Variants in FAM135A observed in about 807,000 individuals in gnomAD.
The protein encoded by FAM135A is protein FAM135A.
Under a neutral mutation model 146.8 loss-of-function variants are expected in FAM135A, and 79 were observed. The observed-to-expected ratio is 0.54, with a 90% CI of 0.45 to 0.65. The LOEUF is 0.65. Ranked by LOEUF, FAM135A falls within the 30% of genes least tolerant of loss-of-function variation. FAM135A has a pLI of 0.00. For synonymous variants in FAM135A, 562 were observed against 603.6 expected (o/e 0.93, Z 1.01); for missense variants, 1,623 against 1,758.2 (o/e 0.92, Z 1.38).
chr6:70,528,755 G>A (rs1795221809), intron 16 of FAM135A, among the ~76,000 whole-genome samples: 1 of 151,666 alleles, frequency 6.6e-6, no homozygotes, highest in East Asian at 1.9e-4. Flanking sequence ...GAACATGTAG[G>A]TTTGTTACAT....
Position 70,480,998 on chromosome 6 carries a change from AT to A in FAM135A, c.642del (p.Asn215ThrfsTer36), listed in dbSNP as rs1562494807. On this transcript the variant is annotated frameshift_variant, in exon 9 of 22. Coordinates refer to ENST00000418814, the MANE Select transcript of FAM135A (RefSeq NM_001162529.3). LOFTEE classifies it high-confidence loss of function. ...TACTCTTGAAAGTGTGGTCTTTGGT[AT>A]TAACTACACAAAACAGTTATCACCA... The part of the protein sequence containing the change: ...IPTLESVVFG[I>X]NYTKQLSPDG... 6.2e-7 allele frequency: 1 copy of A among 1,611,636 alleles called. No homozygotes were observed. The highest frequency in any genetic ancestry group is 1.7e-5 in the Admixed American group (1 of 59,724).
intron 4 of FAM135A, among the ~76,000 whole-genome samples, chr6:70,450,740 TTTTTTTTTTTTTTTTTTTG>T (rs1776884228): frequency 9.2e-6 from 1 of 109,156 alleles, no homozygotes; most frequent in African/African-American, 3.8e-5. Context: ...TTTTTTTTTT[TTTTTTTTTTTTTTTTTTTG>T]AGTCAGAGTC....
At chr6:70,467,486 C>T (rs1015735397) in intron 5 of FAM135A, among the ~76,000 whole-genome samples, 2 of 151,970 alleles carry the variant, frequency 1.3e-5, no homozygotes, top group Non-Finnish European at 2.9e-5. Flanking sequence ...AATTATCTCC[C>T]ATCTGTTTTC....
At chr6:70,427,519 G>A (rs1161605832) in intron 3 of FAM135A, among the ~76,000 whole-genome samples, 1 of 146,014 alleles carries the variant, frequency 6.8e-6, no homozygotes, top group African/African-American at 2.6e-5. Context: ...GTGACAGAGC[G>A]AGACTCTGTC....
intron 15 of FAM135A, 32 bp downstream of exon 15, chr6:70,526,730 T>C (rs769557062): frequency 7.5e-6 from 11 of 1,468,024 alleles, no homozygotes; most frequent in Non-Finnish European, 9.2e-6. Context: ...TACCTGCTGC[T>C]AAATATATAC....
intron 2 of FAM135A, among the ~76,000 whole-genome samples, chr6:70,419,409 A>C (rs1296826024): frequency 9.2e-6 from 1 of 108,344 alleles, no homozygotes; most frequent in East Asian, 2.7e-4. Context: ...ACAGAGCGAG[A>C]CTTCGTCTCA....
intron 4 of FAM135A, among the ~76,000 whole-genome samples, chr6:70,441,599 A>G (rs1025914749): frequency 3.3e-5 from 5 of 152,102 alleles, no homozygotes; most frequent in African/African-American, 1.2e-4. Flanking sequence ...ATTAGGAAAT[A>G]GTACTTAGAA....
At chr6:70,457,889 A>T (rs1406489718) in intron 5 of FAM135A, among the ~76,000 whole-genome samples, 5 of 151,876 alleles carry the variant, frequency 3.3e-5, no homozygotes, top group Non-Finnish European at 4.4e-5. Flanking sequence ...TTTCTTAGTT[A>T]TGTCTAGATT....
At chr6:70,538,506 A>T (rs1209660017) in intron 20 of FAM135A, 105 bp downstream of exon 20, 1 of 575,866 alleles carries the variant, frequency 1.7e-6, no homozygotes, top group Non-Finnish European at 2.7e-6. Flanking sequence ...GTTAAAAAAA[A>T]GTGTCATTCT....
chr6:70,419,512 T>G (rs563309915), intron 2 of FAM135A, among the ~76,000 whole-genome samples: 1 of 152,358 alleles, frequency 6.6e-6, no homozygotes, highest in South Asian at 2.1e-4. Flanking sequence ...CTACCTAGTA[T>G]TAAATGTACT....
chr6:70,439,136 C>CTGGATTGCA (rs1773887879), intron 4 of FAM135A, among the ~76,000 whole-genome samples: 1 of 152,014 alleles, frequency 6.6e-6, no homozygotes, highest in Non-Finnish European at 1.5e-5. Flanking sequence ...ATTGCACCAG[C>CTGGATTGCA]CTAGCCTGGA....
chr6:70,526,147 G>A lies in FAM135A; in HGVS notation c.3063G>A (p.Leu1021=). The A allele has an allele frequency of 6.2e-7, 1 of 1,613,576 alleles. No individual in the cohort carries two copies. The highest frequency in any genetic ancestry group is 8.5e-7 in the Non-Finnish European group (1 of 1,179,658). Residue 1021 remains leucine (L), a synonymous_variant, in exon 15 of 22, where the codon CTG becomes CTA. Transcript: ENST00000418814. ...CTACAGTTGAAAGTGAAACTCATCT[G>A]GGTACAAGTGATCCTTTTTCAGCCA... ...EIPTVESETH[L]GTSDPFSAST... is the part of the protein sequence containing the mutation.
chr6:70,525,890 A>G lies in FAM135A; in HGVS notation c.2806A>G (p.Ser936Gly). 6.2e-7 allele frequency: 1 copy of G among 1,612,940 alleles called. No individual in the cohort carries two copies. Residue 936 changes from serine (S) to glycine (G), a missense_variant, in exon 15 of 22, where the codon AGT becomes GGT. Physicochemically the swap from Ser to Gly is moderately conservative, Grantham distance 56 (BLOSUM62 0). Coordinates refer to ENST00000418814, the MANE Select transcript of FAM135A (RefSeq NM_001162529.3). ...SDEETSSDVK[S>G]SCSSKPNLDT... is the part of the protein sequence containing the mutation. ...TGAAGAGACTTCCAGTGATGTGAAA[A>G]GTAGTTGCAGCTCCAAACCTAACTT...
rs546674936 is a variant in FAM135A at position 70,450,716 on chromosome 6, G to GTTTTTTTTTTTTTTTTTTTTTT, written c.78-1755_78-1734dup. On this transcript the variant is annotated intron_variant, in intron 4 of 21. Coordinates refer to ENST00000418814, the MANE Select transcript of FAM135A (RefSeq NM_001162529.3). ...CTCAGGGAGTGTGACCCTTTTAGTT[G>GTTTTTTTTTTTTTTTTTTTTTT]TTTTTTTTTTTTTTTTTTTTTTTTT... 3.2e-4 allele frequency among the ~76,000 whole-genome samples: 9 copies of GTTTTTTTTTTTTTTTTTTTTTT among 28,348 alleles called. 3 individuals are homozygous for GTTTTTTTTTTTTTTTTTTTTTT. Among genetic ancestry groups the GTTTTTTTTTTTTTTTTTTTTTT allele is most frequent in the Admixed American group, 1.2e-3 (2 of 1,664 alleles). The allele number at this position is 28,348 out of a possible 152,430, so 18.6% of individuals were successfully genotyped here.
At chr6:70,478,703 T>G (rs1175206767) in intron 8 of FAM135A, among the ~76,000 whole-genome samples, 2 of 152,188 alleles carry the variant, frequency 1.3e-5, no homozygotes, top group Non-Finnish European at 2.9e-5. Context: ...TTTCTCCTGA[T>G]GACTTGTTTT....
At chr6:70,475,295 T>C (rs1394779976) in intron 5 of FAM135A, 115 bp from the exon 6 acceptor site, 5 of 817,286 alleles carry the variant, frequency 6.1e-6, no homozygotes, top group Non-Finnish European at 9.1e-6. Flanking sequence ...CAGTATAAAT[T>C]GATAATGACA....
intron 11 of FAM135A, among the ~76,000 whole-genome samples, chr6:70,501,749 G>A (rs917600880): frequency 3.3e-5 from 5 of 152,102 alleles, no homozygotes; most frequent in Admixed American, 6.6e-5. Flanking sequence ...CTGGCTTCTC[G>A]TAACGCCCCA....
intron 5 of FAM135A, among the ~76,000 whole-genome samples, chr6:70,467,587 C>T (rs1780706461): frequency 6.6e-6 from 1 of 151,832 alleles, no homozygotes; most frequent in South Asian, 2.1e-4. Context: ...CTCCTTTTTC[C>T]CGTTCTCTTC....
Position 70,440,572 on chromosome 6 carries a change from C to T in FAM135A, c.78-11920C>T, listed in dbSNP as rs577218340. Among the ~76,000 whole-genome samples, 13 of 152,280 alleles carry T rather than the reference C, an allele frequency of 8.5e-5. No individual in the cohort carries two copies. The South Asian group carries it at 2.7e-3, about 32-fold the overall frequency. On this transcript the variant is annotated intron_variant, in intron 4 of 21. Transcript: ENST00000418814. Reference sequence around the variant, plus strand: ...GCATGGTGGTGAGCACCTGTAATCCCAGCTACTCAGGAGTCTGAAGCAGGA... The same window carrying T: ...GCATGGTGGTGAGCACCTGTAATCCTAGCTACTCAGGAGTCTGAAGCAGGA...
Sources: allele counts gnomAD v4.1 joint callset (sites outside exome capture counted in the v4.1 genomes callset), GRCh38; gene constraint gnomAD v4.1.1; transcripts MANE v1.5; gene names NCBI Gene and HGNC (gene_info 2026-07-23, HGNC 2026-07-21).